The following ADAMTS17 variants were observed in gnomAD, a reference collection of about 807,000 sequenced individuals.
ADAMTS17 encodes the protein A disintegrin and metalloproteinase with thrombospondin motifs 17.
Under a neutral mutation model 141.5 loss-of-function variants are expected in ADAMTS17, and 113 were observed. The observed-to-expected ratio is 0.80, with a 90% CI of 0.69 to 0.93. The LOEUF is 0.93. Among genes scored for constraint, ADAMTS17 ranks in the 40% least tolerant of loss-of-function variants. ADAMTS17 has a pLI of 0.00. For missense variants in ADAMTS17, 1,659 were observed against 1,517.9 expected, an observed-to-expected ratio of 1.09 and a Z score of -1.54; for synonymous variants, 768 against 630.6, an observed-to-expected ratio of 1.22 and a Z score of -3.27.
chr15:100,318,613 T>C (rs1189184642), intron 3 of ADAMTS17, among the ~76,000 whole-genome samples: 1 of 152,248 alleles, frequency 6.6e-6, no homozygotes, highest in Non-Finnish European at 1.5e-5. Flanking sequence ...CTGTTGTTTA[T>C]GAACTATCTA....
intron 7 of ADAMTS17, among the ~76,000 whole-genome samples, chr15:100,251,281 A>G (rs2043145621): frequency 6.6e-6 from 1 of 152,194 alleles, no homozygotes; most frequent in South Asian, 2.1e-4. Flanking sequence ...TGCACCTGGG[A>G]GGGGATATGA....
intron 8 of ADAMTS17, among the ~76,000 whole-genome samples, chr15:100,168,221 C>T (rs372428975): frequency 1.6e-4 from 24 of 152,300 alleles, no homozygotes; most frequent in African/African-American, 4.8e-4. Flanking sequence ...CTGCGAATGA[C>T]GGGAGGAACC....
intron 6 of ADAMTS17, among the ~76,000 whole-genome samples, chr15:100,255,487 T>C (rs1003719449): frequency 1.6e-4 from 24 of 152,074 alleles, no homozygotes; most frequent in Non-Finnish European, 1.5e-5. Flanking sequence ...GATGAAGCAA[T>C]AGGCGATAGA....
intron 3 of ADAMTS17, among the ~76,000 whole-genome samples, chr15:100,323,780 G>A (rs1296861370): frequency 6.6e-6 from 1 of 151,694 alleles, no homozygotes. Context: ...ACATGACTGT[G>A]AGTGATAAAT....
At chr15:100,237,406 G>C (rs1034696044) in intron 7 of ADAMTS17, among the ~76,000 whole-genome samples, 2 of 152,102 alleles carry the variant, frequency 1.3e-5, no homozygotes, top group African/African-American at 4.8e-5. Flanking sequence ...CCCTGGCTGA[G>C]CAGCTCTGTC....
chr15:100,148,175 T>C (rs1235162815), intron 10 of ADAMTS17, among the ~76,000 whole-genome samples: 1 of 152,246 alleles, frequency 6.6e-6, no homozygotes, highest in Non-Finnish European at 1.5e-5. Context: ...CCATATAAAG[T>C]AACATTCATA....
In ADAMTS17 at chr15:100,051,740, G is replaced by A; in HGVS notation, c.2296-9C>T. On this transcript the variant is annotated splice_polypyrimidine_tract_variant and intron_variant, in intron 16 of 21. Coordinates refer to ENST00000268070, the MANE Select transcript of ADAMTS17 (RefSeq NM_139057.4). ...TCGTGAAATAACAACACCTGGATCA[G>A]CCGCAAAACAAAAGGCCATTTTGAA... 3 of 1,614,186 alleles carry A rather than the reference G, an allele frequency of 1.9e-6. No individual in the cohort carries two copies. Among genetic ancestry groups the A allele is most frequent in the Non-Finnish European group, 2.5e-6 (3 of 1,180,026 alleles).
intron 3 of ADAMTS17, 106 bp downstream of exon 3, chr15:100,330,783 G>C: frequency 7.0e-7 from 1 of 1,423,882 alleles, no homozygotes; most frequent in South Asian, 1.3e-5. Context: ...TTGAAATATA[G>C]GGGAAGGTAA....
chr15:100,196,464 G>A lies in ADAMTS17; in HGVS notation c.1181+2854C>T, dbSNP rs370790861. On this transcript the variant is annotated intron_variant, in intron 8 of 21. Coordinates refer to ENST00000268070, the MANE Select transcript of ADAMTS17 (RefSeq NM_139057.4). ...TTCCTGACAATCAGATTTTAGGGTAGCTGCTTACACCAATCGCCCTACGAC... is the reference window on the plus strand; with the variant it reads ...TTCCTGACAATCAGATTTTAGGGTAACTGCTTACACCAATCGCCCTACGAC... Among the ~76,000 whole-genome samples the A allele has an allele frequency of 3.9e-4, 59 of 152,366 alleles. No individual in the cohort carries two copies. In the East Asian group the frequency reaches 6.9e-3, roughly 18 times the overall value.
chr15:100,318,155 G>A (rs2076343037), intron 3 of ADAMTS17, among the ~76,000 whole-genome samples: 1 of 152,104 alleles, frequency 6.6e-6, no homozygotes, highest in South Asian at 2.1e-4. Context: ...TGACACGCCT[G>A]AGTCCAAGGA....
intron 18 of ADAMTS17, among the ~76,000 whole-genome samples, chr15:100,026,456 C>T (rs11631235): frequency 9.3e-4 from 142 of 152,338 alleles, no homozygotes; most frequent in East Asian, 1.3e-3. Context: ...AATGCTTATC[C>T]GCCATGTTGG....
At chr15:100,149,565 C>A (rs35988728) in intron 10 of ADAMTS17, among the ~76,000 whole-genome samples, 34,968 of 152,076 alleles carry the variant, frequency 0.23, 4,159 homozygotes, top group Middle Eastern at 0.3. Context: ...CCCTGTTCCT[C>A]ACCTTTTTTC....
At chr15:100,188,689 G>A (rs920508414) in intron 8 of ADAMTS17, among the ~76,000 whole-genome samples, 5 of 152,210 alleles carry the variant, frequency 3.3e-5, no homozygotes, top group African/African-American at 7.2e-5. Context: ...GGTAGGATCA[G>A]TGGTGGCTGT....
chr15:99,988,763 T>TCCTG (rs1385499232), intron 20 of ADAMTS17, among the ~76,000 whole-genome samples: 1 of 152,078 alleles, frequency 6.6e-6, no homozygotes, highest in African/African-American at 2.4e-5. Flanking sequence ...AGGCTGAAGG[T>TCCTG]CCTGTCTGGG....
chr15:100,042,114 T>C (rs755249414), intron 18 of ADAMTS17, among the ~76,000 whole-genome samples: 3 of 152,160 alleles, frequency 2.0e-5, no homozygotes, highest in African/African-American at 7.2e-5. Context: ...CCTCCACATC[T>C]CCACCTTACC....
intron 15 of ADAMTS17, among the ~76,000 whole-genome samples, chr15:100,083,889 G>A (rs1041651684): frequency 2.6e-5 from 4 of 151,908 alleles, no homozygotes; most frequent in Non-Finnish European, 5.9e-5. Flanking sequence ...AATAGGAACA[G>A]CTCCAGTCTA....
intron 18 of ADAMTS17, among the ~76,000 whole-genome samples, chr15:100,035,001 CCTGT>C (rs2030559833): frequency 6.6e-6 from 1 of 152,156 alleles, no homozygotes; most frequent in South Asian, 2.1e-4. Flanking sequence ...GGAGAACCTG[CCTGT>C]CTCCCAGCAA....
At chr15:100,093,250 G>A (rs1186629668) in intron 15 of ADAMTS17, among the ~76,000 whole-genome samples, 1 of 152,120 alleles carries the variant, frequency 6.6e-6, no homozygotes, top group South Asian at 2.1e-4. Context: ...ACTTCGCCAC[G>A]TGTGGGTCTG....
chr15:100,211,098 T>TTAAATAAA, intron 7 of ADAMTS17, among the ~76,000 whole-genome samples: 1 of 79,964 alleles, frequency 1.3e-5, no homozygotes, highest in Non-Finnish European at 3.1e-5. Flanking sequence ...AGACTCAGTC[T>TTAAATAAA]CAAATAAATA....
Sources: allele counts gnomAD v4.1 joint callset (sites outside exome capture counted in the v4.1 genomes callset), GRCh38; gene constraint gnomAD v4.1.1; transcripts MANE v1.5; gene names NCBI Gene and HGNC (gene_info 2026-07-23, HGNC 2026-07-21).